NACC2: variants seen among roughly 807,000 people sequenced by gnomAD.
The protein encoded by NACC2 is NACC family member 2, also known as nucleus accumbens-associated protein 2.
In NACC2, 8 loss-of-function variants were observed where a neutral mutation model predicts 25.1. The ratio of observed to expected loss-of-function variants is 0.32; its 90% CI spans 0.19 to 0.57. The LOEUF (loss-of-function observed/expected upper bound fraction) is 0.57. Ranked by LOEUF, NACC2 falls within the 20% of genes least tolerant of loss-of-function variation. The probability of loss-of-function intolerance (pLI) is 0.89; values close to 1 mark genes in which losing one functional copy is unlikely to be tolerated. For missense variants in NACC2, 644 were observed against 650.2 expected (o/e 0.99, Z 0.10); for synonymous variants, 435 against 294.7 (o/e 1.48, Z -4.88).
intron 2 of NACC2, among the ~76,000 whole-genome samples, chr9:136,025,333 G>A (rs1282522806): frequency 6.6e-6 from 1 of 152,150 alleles, no homozygotes; most frequent in East Asian, 1.9e-4. Flanking sequence ...ACGATGTCCG[G>A]CCGTCCATAA....
At chr9:136,070,368 C>T (rs1213600924) in intron 1 of NACC2, among the ~76,000 whole-genome samples, 5 of 151,606 alleles carry the variant, frequency 3.3e-5, no homozygotes, top group Non-Finnish European at 5.9e-5. Flanking sequence ...ATTAGCCGGG[C>T]GTGGTGGTGG....
Position 136,049,797 on chromosome 9 carries a change from G to T in NACC2, c.725C>A (p.Pro242His). Residue 242 changes from proline (P) to histidine (H), a missense_variant, in exon 2 of 6, where the codon CCC becomes CAC. Physicochemically the swap from Pro to His is moderately conservative, Grantham distance 77 (BLOSUM62 -2). Coordinates refer to ENST00000277554, the MANE Select transcript of NACC2 (RefSeq NM_144653.5). ...GCCTGGACTGGTCCGCTCCCCCTGG[G>T]GGTAGGGCATCTGCTGGATGCCGGG... ...LIPGIQQMPYPQGERTSPGAS... is the reference protein window; with the variant it reads ...LIPGIQQMPYHQGERTSPGAS... 1 of 762,016 alleles carries T rather than the reference G, an allele frequency of 1.3e-6. No homozygotes were observed. The highest frequency in any genetic ancestry group is 2.4e-6 in the Non-Finnish European group (1 of 409,158). The allele number at this position is 762,016 out of a possible 1,614,324, so 47.2% of individuals were successfully genotyped here.
intron 1 of NACC2, among the ~76,000 whole-genome samples, chr9:136,077,756 G>A (rs565056730): frequency 6.6e-6 from 1 of 152,346 alleles, no homozygotes; most frequent in Admixed American, 6.5e-5. Context: ...GAGCAGGCAA[G>A]GGGGCAACAA....
intron 2 of NACC2, among the ~76,000 whole-genome samples, chr9:136,024,867 G>A (rs774548718): frequency 9.2e-5 from 14 of 152,290 alleles, no homozygotes; most frequent in African/African-American, 2.9e-4. Context: ...CAGCTGAGGC[G>A]GCAGGGCCTA....
chr9:136,089,126 C>G (rs576737501), intron 1 of NACC2, among the ~76,000 whole-genome samples: 4 of 152,204 alleles, frequency 2.6e-5, no homozygotes, highest in Non-Finnish European at 5.9e-5. Context: ...TACGCGGTTA[C>G]GTTTGCAGCA....
At chr9:136,040,655 G>A (rs1840614095) in intron 2 of NACC2, among the ~76,000 whole-genome samples, 1 of 152,156 alleles carries the variant, frequency 6.6e-6, no homozygotes, top group African/African-American at 2.4e-5. Context: ...CCACACAATG[G>A]AATTTGACTT....
rs567639458 is a variant in NACC2, at chr9:136,035,427, A to G, written c.886+14209T>C. Among the ~76,000 whole-genome samples, 295 of 152,292 alleles carry G rather than the reference A, an allele frequency of 1.9e-3. 2 individuals are homozygous for G. Among genetic ancestry groups the G allele is most frequent in the Non-Finnish European group, 2.4e-3 (161 of 68,032 alleles). On this transcript the variant is annotated intron_variant, in intron 2 of 5. Coordinates refer to ENST00000277554, the MANE Select transcript of NACC2 (RefSeq NM_144653.5). The stretch of plus-strand genomic sequence containing the variant: ...ACCTGACAAACCTAAAGAGAGGGAC[A>G]TTCTACAAAATAATGAACTGCGCTT...
At position 136,020,582 on chromosome 9, in the gene NACC2, T is replaced by G. The variant is rs1024302975; in HGVS notation, c.887-4153A>C. On this transcript the variant is annotated intron_variant, in intron 2 of 5. Transcript: ENST00000277554. This position sits in a 1 kb window ranked among gnomAD's most constrained non-coding sequence, Gnocchi z 4.7. ...GACGGGGAGGCCTACTCCCTAAAAG[T>G]GTATACCATTTGTTAAAATGCACCA... Among the ~76,000 whole-genome samples the G allele has an allele frequency of 2.6e-5, 4 of 152,174 alleles. No individual in the cohort carries two copies. The highest frequency in any genetic ancestry group is 5.9e-5 in the Non-Finnish European group (4 of 68,024).
rs1840903877 is a variant in NACC2, at chr9:136,055,090, C to T, written c.-59-4510G>A. Among the ~76,000 whole-genome samples, 1 of 152,134 alleles carries T rather than the reference C, an allele frequency of 6.6e-6. No individual in the cohort carries two copies. ...GGGGGGTCTCTCCTCTGCAGAGCCT[C>T]ACTTGAGGAAGGCTGAGATCCAGGC... On this transcript the variant is annotated intron_variant, in intron 1 of 5. Transcript: ENST00000277554. This position sits in a 1 kb window ranked among gnomAD's most constrained non-coding sequence, Gnocchi z 4.9.
intron 2 of NACC2, among the ~76,000 whole-genome samples, chr9:136,036,727 A>G (rs1840560031): frequency 1.3e-5 from 2 of 152,248 alleles, no homozygotes; most frequent in Non-Finnish European, 2.9e-5. Context: ...ACTCGGCTGA[A>G]AGCCTATAGA....
intron 1 of NACC2, among the ~76,000 whole-genome samples, chr9:136,089,327 A>C (rs1830411630): frequency 6.6e-6 from 1 of 152,084 alleles, no homozygotes; most frequent in African/African-American, 2.4e-5. Flanking sequence ...CGGCCCTAGG[A>C]GGGAGACAAG....
At position 136,007,513 on chromosome 9, in the gene NACC2, GCACACACAGA is replaced by G. The variant is rs1840039113; in HGVS notation, c.*3993_*4002del. On this transcript the variant is annotated 3_prime_UTR_variant, in exon 6 of 6. Transcript: ENST00000277554. ...CACAGACACACACATGCACAGACGCGCACACACAGACGCACAGACGTGCACACACAGACAC... is the reference window on the plus strand; with the variant it reads ...CACAGACACACACATGCACAGACGCGCGCACAGACGTGCACACACAGACAC... The G allele has an allele frequency of 7.2e-6, 1 of 138,106 alleles. No individual in the cohort carries two copies. Among genetic ancestry groups the G allele is most frequent in the Non-Finnish European group, 1.7e-5 (1 of 59,620 alleles). 8.6% of individuals were successfully genotyped at this position (138,106 alleles called of 1,614,324 possible). A position where few individuals can be genotyped will look rare whatever the true frequency, so the allele number is the denominator to read the frequency against.
chr9:136,094,391 G>A (rs1588588610), intron 1 of NACC2, among the ~76,000 whole-genome samples: 1 of 152,202 alleles, frequency 6.6e-6, no homozygotes, highest in African/African-American at 2.4e-5. Flanking sequence ...GCTGGGAGGT[G>A]ACCTCTGACC....
In NACC2 at chr9:136,013,173, C is replaced by CCCCCCCA; in HGVS notation, c.1255+25_1255+26insTGGGGGG. On this transcript the variant is annotated intron_variant, in intron 5 of 5. Coordinates refer to ENST00000277554, the MANE Select transcript of NACC2 (RefSeq NM_144653.5). This position sits in a 1 kb window ranked among gnomAD's most constrained non-coding sequence, Gnocchi z 6.6. ...ATCTGAACCCAGCCCCGGCCCCACC[C>CCCCCCCA]ACCCGAGAGACCCCCAGGCTCTTAC... 2 of 1,281,022 alleles carry CCCCCCCA rather than the reference C, an allele frequency of 1.6e-6. No individual in the cohort carries two copies. Among genetic ancestry groups the CCCCCCCA allele is most frequent in the Non-Finnish European group, 2.3e-6 (2 of 883,266 alleles). The allele number at this position is 1,281,022 out of a possible 1,614,324, so 79.4% of individuals were successfully genotyped here.
intron 2 of NACC2, among the ~76,000 whole-genome samples, chr9:136,046,116 G>A (rs1167641588): frequency 1.3e-5 from 2 of 152,248 alleles, no homozygotes; most frequent in African/African-American, 4.8e-5. Context: ...CCAAGGCACA[G>A]GCTCCCTCTG....
chr9:136,045,945 G>C (rs925474003), intron 2 of NACC2, among the ~76,000 whole-genome samples: 2 of 152,164 alleles, frequency 1.3e-5, no homozygotes, highest in African/African-American at 4.8e-5. Flanking sequence ...CCTTGCCGGG[G>C]AAGCCCCGGC....
rs1390138951 is a variant in NACC2, at chr9:136,034,801, T to A, written c.886+14835A>T. Among the ~76,000 whole-genome samples, 5 of 152,202 alleles carry A rather than the reference T, an allele frequency of 3.3e-5. No individual in the cohort carries two copies. In the East Asian group the frequency reaches 9.7e-4, roughly 29 times the overall value. Reference sequence around the variant, plus strand: ...ATGGGAGTTGTGGAGTTAGAAATAATCATAATTGGGGGCCAGGCACAGTGG... The same window carrying A: ...ATGGGAGTTGTGGAGTTAGAAATAAACATAATTGGGGGCCAGGCACAGTGG... On this transcript the variant is annotated intron_variant, in intron 2 of 5. Coordinates refer to ENST00000277554, the MANE Select transcript of NACC2 (RefSeq NM_144653.5).
At chr9:136,042,861 CACAG>C (rs1840661935) in intron 2 of NACC2, among the ~76,000 whole-genome samples, 2 of 147,860 alleles carry the variant, frequency 1.4e-5, no homozygotes, top group Non-Finnish European at 3.0e-5. Flanking sequence ...CACACAGAGA[CACAG>C]AGACAAACAG....
chr9:136,050,051 G>A lies in NACC2; in HGVS notation c.471C>T (p.Ala157=). 2.8e-6 allele frequency: 2 copies of A among 721,706 alleles called. No homozygotes were observed. Among genetic ancestry groups the A allele is most frequent in the Non-Finnish European group, 5.1e-6 (2 of 395,880 alleles). 44.7% of individuals were successfully genotyped at this position (721,706 alleles called of 1,614,324 possible). The stretch of plus-strand genomic sequence containing the variant: ...GCACCGAGGGGGACACGACGTAGGG[G>A]GCCGCGGCGGCGGCGGCCGGCTGCA... ...NQLQPAAAAA[A]PYVVSPSVPI... is the part of the protein sequence containing the mutation. The change falls in exon 2 of 6, where the codon GCC becomes GCT. Residue 157 remains alanine, a synonymous_variant. Transcript: ENST00000277554.
Sources: allele counts gnomAD v4.1 joint callset (sites outside exome capture counted in the v4.1 genomes callset), GRCh38; gene constraint gnomAD v4.1.1; non-coding constraint Gnocchi (gnomAD v3.1); transcripts MANE v1.5; gene names NCBI Gene and HGNC (gene_info 2026-07-23, HGNC 2026-07-21).